GJA9: variants seen among roughly 807,000 people sequenced by gnomAD.
GJA9 encodes the protein gap junction protein alpha 9.
GJA9 carries 1 observed loss-of-function variant against 0.4 expected under a neutral mutation model. The ratio of observed to expected loss-of-function variants is 2.50; its 90% CI spans 0.89 to 11.88. The LOEUF (loss-of-function observed/expected upper bound fraction) is 11.88. Ranked by LOEUF, GJA9 falls within the 30% of genes most tolerant of loss-of-function variation. GJA9 has a pLI of 0.12. For synonymous variants in GJA9, 190 were observed against 219.1 expected, an observed-to-expected ratio of 0.87 and a Z score of 1.17; for missense variants, 550 against 602.8, an observed-to-expected ratio of 0.91 and a Z score of 0.92.
Position 38,875,868 on chromosome 1 carries a change from G to A in GJA9, c.231C>T (p.Tyr77=), listed in dbSNP as rs151296913. The change falls in exon 2 of 2, where the codon TAC becomes TAT. Residue 77 remains tyrosine (Y), a synonymous_variant. Coordinates refer to ENST00000357771, the MANE Select transcript of GJA9 (RefSeq NM_030772.5). ...ACACAAATATCACCTGCAGAACCCA[G>A]TATCTAATGAGGGAGATAGGAAAGG... ...DQAFPISLIR[Y]WVLQVIFVSS... 2 of 1,614,186 alleles carry A rather than the reference G, an allele frequency of 1.2e-6. No homozygotes were observed. The highest frequency in any genetic ancestry group is 1.7e-6 in the Non-Finnish European group (2 of 1,180,028).
intron 1 of GJA9, among the ~76,000 whole-genome samples, chr1:38,878,179 A>G (rs915757364): frequency 6.6e-6 from 1 of 151,874 alleles, no homozygotes; most frequent in African/African-American, 2.4e-5. Flanking sequence ...CCCAGGTTCA[A>G]GTGATTCTCG....
chr1:38,874,543 AC>A lies in GJA9; in HGVS notation c.*7del, dbSNP rs1215927303. On this transcript the variant is annotated 3_prime_UTR_variant, in exon 2 of 2. Coordinates refer to ENST00000357771, the MANE Select transcript of GJA9 (RefSeq NM_030772.5). ...TAATATATATAATGTCTAAAAGCCA[AC>A]CGCTGTTTAGATCTGAAGATCTGTG... 4 of 1,602,162 alleles carry A rather than the reference AC, an allele frequency of 2.5e-6. No individual in the cohort carries two copies. In the South Asian group the frequency reaches 4.4e-5, roughly 18 times the overall value.
intron 1 of GJA9, among the ~76,000 whole-genome samples, chr1:38,880,559 G>A (rs1024785458): frequency 1.5e-4 from 23 of 150,016 alleles, no homozygotes; most frequent in African/African-American, 3.7e-4. Flanking sequence ...ACAGGCGGGC[G>A]GATTACGAGG....
chr1:38,878,661 G>A (rs1353514110), intron 1 of GJA9, among the ~76,000 whole-genome samples: 1 of 147,622 alleles, frequency 6.8e-6, no homozygotes, highest in Non-Finnish European at 1.5e-5. Context: ...TTGGCGACAA[G>A]AGCAGAAACT....
Position 38,874,828 on chromosome 1 carries a change from G to C in GJA9, c.1271C>G (p.Ala424Gly). 6.2e-7 allele frequency: 1 copy of C among 1,614,188 alleles called. No homozygotes were observed. The highest frequency in any genetic ancestry group is 1.6e-4 in the Middle Eastern group (1 of 6,062). Residue 424 changes from alanine to glycine, a missense_variant, in exon 2 of 2, where the codon GCT (alanine) becomes GGT (glycine). By Grantham distance (60) the Ala-to-Gly change is moderately conservative. Transcript: ENST00000357771. ...NCDWKPRWLR[A>G]TWGSSTEHEN... ...ATGTTCTGTAGAGGAACCCCATGTAGCTCTAAGCCACCGCGGTTTCCAATC... is the reference window on the plus strand; with the variant it reads ...ATGTTCTGTAGAGGAACCCCATGTACCTCTAAGCCACCGCGGTTTCCAATC...
Position 38,875,237 on chromosome 1 carries a change from CTAACAGATTATAATCAG to C in GJA9, c.845_861del (p.Pro282ArgfsTer12), listed in dbSNP as rs1284815053. 5.0e-6 allele frequency: 8 copies of C among 1,614,148 alleles called. 1 individual carries two copies. The Admixed American group carries it at 5.0e-5, about 10-fold the overall frequency. ...ACTGCAGTGTGTGTTTGCTTTTCCA[CTAACAGATTATAATCAG>C]GGGCAGAAGGGAGTCGCTTCAGTGA... On this transcript the variant is annotated frameshift_variant, in exon 2 of 2. Coordinates refer to ENST00000357771, the MANE Select transcript of GJA9 (RefSeq NM_030772.5). LOFTEE classifies it low-confidence loss of function (END_TRUNC).
rs777336193 is a variant in GJA9, at chr1:38,875,762, GAGCT to G, written c.333_336del (p.Lys111AsnfsTer3). 1 of 1,614,174 alleles carries G rather than the reference GAGCT, an allele frequency of 6.2e-7. No individual in the cohort carries two copies. The highest frequency in any genetic ancestry group is 1.7e-5 in the Admixed American group (1 of 60,012). The stretch of plus-strand genomic sequence containing the variant: ...ACCTCCTCCAGTTCTACTCTTAACT[GAGCT>G]TTCATCCTTTGCCTCTCTTCCTCAA... On this transcript the variant is annotated frameshift_variant, in exon 2 of 2. Coordinates refer to ENST00000357771, the MANE Select transcript of GJA9 (RefSeq NM_030772.5). LOFTEE classifies it low-confidence loss of function (END_TRUNC).
At chr1:38,876,822 G>A (rs968397959) in intron 1 of GJA9, among the ~76,000 whole-genome samples, 7 of 150,430 alleles carry the variant, frequency 4.7e-5, no homozygotes, top group East Asian at 2.1e-4. Context: ...GTAAAACCCC[G>A]CCTCTACTAA....
In GJA9 at chr1:38,875,221, T is replaced by A. The variant is rs757879544; in HGVS notation, c.878A>T (p.His293Leu). 6.2e-7 allele frequency: 1 copy of A among 1,614,154 alleles called. No individual in the cohort carries two copies. Reference protein sequence around the residue: ...DYNLLVEKQTHTAVYPSLNSS... With the variant: ...DYNLLVEKQTLTAVYPSLNSS... The stretch of plus-strand genomic sequence containing the variant: ...ATTTAAACTAGGGTACACTGCAGTG[T>A]GTGTTTGCTTTTCCACTAACAGATT... Residue 293 changes from histidine to leucine, a missense_variant, in exon 2 of 2, where the codon CAC (histidine) becomes CTC (leucine). His to Leu is a moderately conservative substitution (Grantham distance 99, BLOSUM62 -3). Coordinates refer to ENST00000357771, the MANE Select transcript of GJA9 (RefSeq NM_030772.5).
In GJA9 at chr1:38,874,766, C is replaced by T. The variant is rs779052030; in HGVS notation, c.1333G>A (p.Gly445Ser). The change falls in exon 2 of 2, where the codon GGC becomes AGC. Residue 445 changes from glycine (G) to serine (S), a missense_variant. By Grantham distance (56) the Gly-to-Ser change is moderately conservative (BLOSUM62 0). Transcript: ENST00000357771. ...CTGACTGTGCCCTTTCTGAACTGGC[C>T]CTTGAGGTTACCTTTAGGAGGTGAC... Reference protein sequence around the residue: ...RGSPPKGNLKGQFRKGTVRTL... With the variant: ...RGSPPKGNLKSQFRKGTVRTL... The T allele has an allele frequency of 6.2e-7, 1 of 1,614,138 alleles. No homozygotes were observed. Among genetic ancestry groups the T allele is most frequent in the Admixed American group, 1.7e-5 (1 of 60,024 alleles).
In GJA9 at chr1:38,876,008, T is replaced by C. The variant is rs935292941; in HGVS notation, c.91A>G (p.Ile31Val). ...IGKIWLTILF[I>V]FRMLVLGVAA... is the part of the protein sequence containing the mutation. ...ACACCCAGAACAAGCATTCGAAATA[T>C]GAACAGGATGGTGAGCCAGATCTTT... The change falls in exon 2 of 2, where the codon ATA becomes GTA. Residue 31 changes from isoleucine (I) to valine (V), a missense_variant. By Grantham distance (29) the Ile-to-Val change is conservative. Transcript: ENST00000357771. 6.2e-7 allele frequency: 1 copy of C among 1,614,106 alleles called. No homozygotes were observed. Among genetic ancestry groups the C allele is most frequent in the African/African-American group, 1.3e-5 (1 of 74,944 alleles).
At chr1:38,880,414 AATAATAAT>A (rs1642674035) in intron 1 of GJA9, among the ~76,000 whole-genome samples, 5 of 24,790 alleles carry the variant, frequency 2.0e-4, no homozygotes, top group African/African-American at 2.8e-4. Context: ...AAAAAAAATA[AATAATAAT>A]AATAATAATA....
chr1:38,875,271 C>T lies in GJA9; in HGVS notation c.828G>A (p.Lys276=). The change falls in exon 2 of 2, where the codon AAG becomes AAA. Residue 276 remains lysine, a synonymous_variant. Transcript: ENST00000357771. The stretch of plus-strand genomic sequence containing the variant: ...TATAATCAGGGGCAGAAGGGAGTCG[C>T]TTCAGTGAATTTGCAGATGTGCTCT... The part of the protein sequence containing the change: ...KYQSTSANSL[K]RLPSAPDYNL... 1 of 1,614,168 alleles carries T rather than the reference C, an allele frequency of 6.2e-7. No individual in the cohort carries two copies. Among genetic ancestry groups the T allele is most frequent in the Non-Finnish European group, 8.5e-7 (1 of 1,180,034 alleles).
rs142530971 is a variant in GJA9 at position 38,875,089 on chromosome 1, C to T, written c.1010G>A (p.Ser337Asn). The T allele has an allele frequency of 6.4e-4, 1,037 of 1,614,092 alleles. 4 individuals carry two copies. The Middle Eastern group carries it at 0.016, about 25-fold the overall frequency. ...GTGTTGAAAATGACTACAACTAGTA[C>T]TAAGTGTGGAAATCTCATTAGAAAG... is the stretch of plus-strand genomic sequence containing the variant. Reference protein sequence around the residue: ...TVLSNEISTLSTSCSHFQHIS... With the variant: ...TVLSNEISTLNTSCSHFQHIS... Residue 337 changes from serine to asparagine, a missense_variant, in exon 2 of 2, where the codon AGT (serine) becomes AAT (asparagine). By Grantham distance (46) the Ser-to-Asn change is conservative. Coordinates refer to ENST00000357771, the MANE Select transcript of GJA9 (RefSeq NM_030772.5).
In GJA9 at chr1:38,874,556, T is replaced by G. The variant is rs1570894690; in HGVS notation, c.1543A>C (p.Ile515Leu). The G allele has an allele frequency of 6.2e-7, 1 of 1,612,266 alleles. No homozygotes were observed. The highest frequency in any genetic ancestry group is 8.5e-7 in the Non-Finnish European group (1 of 1,178,452). Residue 515 changes from isoleucine (I) to leucine (L), a missense_variant, in exon 2 of 2, where the codon ATC becomes CTC. Transcript: ENST00000357771. ...IGRRVPTDLQI is the reference protein window; with the variant it reads ...IGRRVPTDLQL ...GTCTAAAAGCCAACCGCTGTTTAGA[T>G]CTGAAGATCTGTGGGAACCCGCCTA...
In GJA9 at chr1:38,875,640, C is replaced by G; in HGVS notation, c.459G>C (p.Leu153Phe). The change falls in exon 2 of 2, where the codon TTG (leucine) becomes TTC (phenylalanine). Residue 153 changes from leucine to phenylalanine, a missense_variant. Leu to Phe is a conservative substitution (Grantham distance 22, BLOSUM62 0). Transcript: ENST00000357771. Reference protein sequence around the residue: ...KLNKAPLRGTLLCTYVIHIFT... With the variant: ...KLNKAPLRGTFLCTYVIHIFT... The stretch of plus-strand genomic sequence containing the variant: ...AAATGTGTATCACATAAGTGCAAAG[C>G]AAGGTTCCTCTGAGTGGAGCTTTAT... The G allele has an allele frequency of 6.2e-7, 1 of 1,614,228 alleles. No homozygotes were observed.
At chr1:38,876,719 G>A (rs1236142833) in intron 1 of GJA9, among the ~76,000 whole-genome samples, 2 of 152,150 alleles carry the variant, frequency 1.3e-5, no homozygotes, top group Non-Finnish European at 2.9e-5. Context: ...TAGGCTGGGC[G>A]GGGTGGCTCA....
chr1:38,874,796 G>T lies in GJA9; in HGVS notation c.1303C>A (p.Arg435=). 6.2e-7 allele frequency: 1 copy of T among 1,614,148 alleles called. No individual in the cohort carries two copies. The highest frequency in any genetic ancestry group is 1.1e-5 in the South Asian group (1 of 91,078). Residue 435 remains arginine, a synonymous_variant, in exon 2 of 2, where the codon CGG becomes AGG. Transcript: ENST00000357771. ...TWGSSTEHEN[R]GSPPKGNLKG... Reference sequence around the variant, plus strand: ...AGGTTACCTTTAGGAGGTGACCCCCGGTTTTCATGTTCTGTAGAGGAACCC... The same window carrying T: ...AGGTTACCTTTAGGAGGTGACCCCCTGTTTTCATGTTCTGTAGAGGAACCC...
At chr1:38,880,941 G>A (rs982937256) in intron 1 of GJA9, among the ~76,000 whole-genome samples, 2 of 151,998 alleles carry the variant, frequency 1.3e-5, no homozygotes, top group African/African-American at 4.8e-5. Flanking sequence ...CTACATCCAC[G>A]GTGTGATACT....
Sources: gnomAD v4.1 joint callset for allele counts (sites outside exome capture counted in the v4.1 genomes callset) on GRCh38, gnomAD v4.1.1 for gene constraint, MANE v1.5 for transcripts, NCBI Gene and HGNC (gene_info 2026-07-23, HGNC 2026-07-21) for gene names.